The following CCR5AS variants were observed in gnomAD, a reference collection of about 807,000 sequenced individuals.
CCR5AS encodes the protein CCR5 antisense RNA.
chr3:46,386,816 C>G (rs375960150), intron 2 of CCR5AS, among the ~76,000 whole-genome samples: 1 of 152,116 alleles, frequency 6.6e-6, no homozygotes, highest in Non-Finnish European at 1.5e-5. Flanking sequence ...TAAGGATACA[C>G]TCTAAAATAC....
intron 2 of CCR5AS, chr3:46,373,745 G>A: frequency 6.2e-7 from 1 of 1,613,918 alleles, no homozygotes; most frequent in Non-Finnish European, 8.5e-7. Context: ...CTATGCAGGT[G>A]ACAGAGACTC....
intron 2 of CCR5AS, among the ~76,000 whole-genome samples, chr3:46,377,248 C>T (rs935917522): frequency 2.2e-4 from 33 of 152,268 alleles, no homozygotes; most frequent in Middle Eastern, 6.8e-3. Context: ...TTCCAGAGCC[C>T]GTCCCCATTA....
chr3:46,377,212 A>G (rs1701770528), intron 2 of CCR5AS, among the ~76,000 whole-genome samples: 1 of 152,184 alleles, frequency 6.6e-6, no homozygotes, highest in Non-Finnish European at 1.5e-5. Context: ...AGCACGAAGA[A>G]AAGCTATTTG....
Position 46,380,769 on chromosome 3 carries a change from G to A in CCR5AS, n.392-9352C>T, listed in dbSNP as rs990232596. ...TCACTCAGGGAGTTTTACAAATAGTGAGGTTAAATCCAACCTCAAATAGTT... is the reference window on the plus strand; with the variant it reads ...TCACTCAGGGAGTTTTACAAATAGTAAGGTTAAATCCAACCTCAAATAGTT... On this transcript the variant is annotated intron_variant and non_coding_transcript_variant, in intron 2 of 3. Coordinates refer to ENST00000451485, the Ensembl canonical transcript of CCR5AS. Among the ~76,000 whole-genome samples the A allele has an allele frequency of 1.4e-4, 21 of 152,360 alleles. 1 individual carries two copies. In the Middle Eastern group the frequency reaches 0.01, roughly 74 times the overall value.
intron 1 of CCR5AS, among the ~76,000 whole-genome samples, chr3:46,399,834 G>A (rs568161339): frequency 6.6e-6 from 1 of 152,272 alleles, no homozygotes; most frequent in East Asian, 1.9e-4. Context: ...GAGACTGGAA[G>A]CTTTAGGTAG....
intron 1 of CCR5AS, among the ~76,000 whole-genome samples, chr3:46,398,408 G>A (rs1023889650): frequency 1.3e-4 from 20 of 152,312 alleles, no homozygotes; most frequent in Non-Finnish European, 2.6e-4. Context: ...ATAGCTGGCA[G>A]AGCTAATAAA....
intron 1 of CCR5AS, among the ~76,000 whole-genome samples, chr3:46,400,447 TG>T (rs1701997288): frequency 6.6e-6 from 1 of 152,208 alleles, no homozygotes; most frequent in Non-Finnish European, 1.5e-5. Context: ...GATGTGATCG[TG>T]GGAGGGGCTG....
At chr3:46,401,350 CA>C (rs1702004439) in intron 1 of CCR5AS, among the ~76,000 whole-genome samples, 1 of 151,938 alleles carries the variant, frequency 6.6e-6, no homozygotes, top group African/African-American at 2.4e-5. Flanking sequence ...TATGTTAGTC[CA>C]AATCTTTCAA....
intron 2 of CCR5AS, chr3:46,373,079 A>G: frequency 6.2e-7 from 1 of 1,614,138 alleles, no homozygotes; most frequent in Non-Finnish European, 8.5e-7. Flanking sequence ...TAAACTGCAA[A>G]AGGCTGAAGA....
At chr3:46,397,303 G>A (rs896611767) in intron 1 of CCR5AS, among the ~76,000 whole-genome samples, 1 of 152,216 alleles carries the variant, frequency 6.6e-6, no homozygotes. Flanking sequence ...GACAGAGGAC[G>A]GTTCCACTTT....
At chr3:46,370,785 A>G (rs1471153319) in intron 3 of CCR5AS, 1 of 152,216 alleles carries the variant, frequency 6.6e-6, no homozygotes, top group Non-Finnish European at 1.5e-5. Context: ...CCAGAGATCT[A>G]TTCTCTAGCT....
At chr3:46,372,665 A>G (rs750372444) in intron 2 of CCR5AS, 7 of 384,770 alleles carry the variant, frequency 1.8e-5, no homozygotes, top group Non-Finnish European at 3.3e-5. Flanking sequence ...TGCTTTCATG[A>G]ATTCCCCCAA....
chr3:46,379,435 T>G (rs1374480674), intron 2 of CCR5AS, among the ~76,000 whole-genome samples: 1 of 152,086 alleles, frequency 6.6e-6, no homozygotes, highest in Non-Finnish European at 1.5e-5. Flanking sequence ...CATGGTAAAT[T>G]TCTTTATCAT....
intron 2 of CCR5AS, chr3:46,375,562 C>T (rs1352413940): frequency 6.0e-6 from 1 of 165,704 alleles, no homozygotes; most frequent in African/African-American, 2.4e-5. Flanking sequence ...CGTCAATAGG[C>T]AAAGGGGGGA....
intron 1 of CCR5AS, among the ~76,000 whole-genome samples, chr3:46,402,629 GA>G (rs1702013578): frequency 6.6e-6 from 1 of 152,182 alleles, no homozygotes; most frequent in Non-Finnish European, 1.5e-5. Context: ...TATATTTGAA[GA>G]AGCCATAGTA....
At chr3:46,364,209 G>A (rs1701579640), downstream of CCR5AS, among the ~76,000 whole-genome samples, 1 of 152,240 alleles carries the variant, frequency 6.6e-6, no homozygotes, top group African/African-American at 2.4e-5. Context: ...AGATGTCAAG[G>A]CAAGCTGCAA....
intron 2 of CCR5AS, chr3:46,373,508 G>T: frequency 6.2e-7 from 1 of 1,614,110 alleles, no homozygotes; most frequent in East Asian, 2.2e-5. Context: ...TCATCTTGGG[G>T]CTGGTCCTGC....
intron 3 of CCR5AS, among the ~76,000 whole-genome samples, chr3:46,367,541 G>C (rs1461865071): frequency 2.0e-5 from 3 of 152,130 alleles, no homozygotes; most frequent in Non-Finnish European, 4.4e-5. Context: ...TTTATACAAT[G>C]AGCATGTGTT....
chr3:46,378,233 C>A (rs1424971115), intron 2 of CCR5AS, among the ~76,000 whole-genome samples: 2 of 152,054 alleles, frequency 1.3e-5, no homozygotes, highest in Non-Finnish European at 2.9e-5. Flanking sequence ...ATTTAAGATT[C>A]TGTATACAAA....
Sources: gnomAD v4.1 joint callset for allele counts (sites outside exome capture counted in the v4.1 genomes callset) on GRCh38, gnomAD v4.1.1 for gene constraint, MANE v1.5 for transcripts, NCBI Gene and HGNC (gene_info 2026-07-23, HGNC 2026-07-21) for gene names.